Variants in RPAP2 observed in about 807,000 individuals in gnomAD.
The protein encoded by RPAP2 is putative RNA polymerase II subunit B1 CTD phosphatase RPAP2.
In RPAP2, 52 loss-of-function variants were observed where a neutral mutation model predicts 73.1. The ratio of observed to expected loss-of-function variants is 0.71; its 90% CI spans 0.57 to 0.90. RPAP2 has a LOEUF of 0.90. Among genes scored for constraint, RPAP2 ranks in the 40% least tolerant of loss-of-function variants. RPAP2 has a pLI of 0.00. For missense variants in RPAP2, 598 were observed against 701.8 expected, an observed-to-expected ratio of 0.85 and a Z score of 1.67; for synonymous variants, 225 against 242.1, an observed-to-expected ratio of 0.93 and a Z score of 0.65.
Position 92,307,081 on chromosome 1 carries a change from G to C in RPAP2, c.400-107G>C, listed in dbSNP as rs1004247710. 4.0e-6 allele frequency: 3 copies of C among 751,264 alleles called. No individual in the cohort carries two copies. In the African/African-American group the frequency reaches 5.3e-5, roughly 13 times the overall value. The allele number at this position is 751,264 out of a possible 1,614,324, so 46.5% of individuals were successfully genotyped here. ...CTTACCTTGGGTGGTAGATCTGTAG[G>C]TTTCCATTTTATTCTTTGAACGATA... is the stretch of plus-strand genomic sequence containing the variant. On this transcript the variant is annotated intron_variant, in intron 5 of 12. Coordinates refer to ENST00000610020, the MANE Select transcript of RPAP2 (RefSeq NM_024813.3).
rs765846814 is a variant in RPAP2 at position 92,333,474 on chromosome 1, G to A, written c.1538+1G>A. On this transcript the variant is annotated splice_donor_variant, in intron 9 of 12. Transcript: ENST00000610020. LOFTEE classifies it high-confidence loss of function. The stretch of plus-strand genomic sequence containing the variant: ...TCGTACTTGAAAAGTTGAGTAAAGT[G>A]TAAGTATGTAATTGCCATTCCAGCT... 2 of 1,604,894 alleles carry A rather than the reference G, an allele frequency of 1.2e-6. No homozygotes were observed. Among genetic ancestry groups the A allele is most frequent in the Middle Eastern group, 1.6e-4 (1 of 6,066 alleles).
intron 6 of RPAP2, among the ~76,000 whole-genome samples, chr1:92,308,498 T>C (rs1012565040): frequency 1.1e-4 from 17 of 152,320 alleles, no homozygotes; most frequent in African/African-American, 4.1e-4. Flanking sequence ...TTTCCTCAAG[T>C]TATCCTTAAC....
In RPAP2 at chr1:92,320,668, T is replaced by C. The variant is rs548723352; in HGVS notation, c.524+34T>C. The stretch of plus-strand genomic sequence containing the variant: ...GAATCAGTATCATTTACCATTTATA[T>C]ATTTATGTTAATAGAAACATTAGGA... On this transcript the variant is annotated intron_variant, in intron 7 of 12. Transcript: ENST00000610020. 7 of 1,550,418 alleles carry C rather than the reference T, an allele frequency of 4.5e-6. No individual in the cohort carries two copies. In the Admixed American group the frequency reaches 8.4e-5, roughly 19 times the overall value.
rs1249699188 is a variant in RPAP2 at position 92,392,151 on chromosome 1, C to A, written c.*5140C>A. Reference sequence around the variant, plus strand: ...AATCCTCAATAAAATACTGGCAAACCGAATCCAGCAGCATATCAAAAAGCT... The same window carrying A: ...AATCCTCAATAAAATACTGGCAAACAGAATCCAGCAGCATATCAAAAAGCT... On this transcript the variant is annotated 3_prime_UTR_variant, in exon 13 of 13. Transcript: ENST00000610020. 2 of 151,936 alleles carry A rather than the reference C, an allele frequency of 1.3e-5. No homozygotes were observed. The highest frequency in any genetic ancestry group is 4.8e-5 in the African/African-American group (2 of 41,338). 9.4% of individuals were successfully genotyped at this position (151,936 alleles called of 1,614,324 possible).
At chr1:92,307,156 GAAA>G (rs751979517) in intron 5 of RPAP2, 29 bp from the exon 6 acceptor site, 1 of 1,479,542 alleles carries the variant, frequency 6.8e-7, no homozygotes, top group South Asian at 1.2e-5. Context: ...TTCATGATAA[GAAA>G]AAAACTAGAT....
intron 10 of RPAP2, among the ~76,000 whole-genome samples, chr1:92,339,530 C>T (rs181829716): frequency 2.0e-5 from 3 of 152,072 alleles, no homozygotes; most frequent in African/African-American, 7.2e-5. Context: ...GGTTTTCCTG[C>T]CTGCTCCCTT....
chr1:92,302,331 A>G (rs74323305), intron 3 of RPAP2, among the ~76,000 whole-genome samples: 2 of 128,642 alleles, frequency 1.6e-5, no homozygotes, highest in African/African-American at 3.6e-5. Flanking sequence ...GATGGGGGAG[A>G]AAAAAAAAAA....
Position 92,401,570 on chromosome 1 carries a change from A to C in RPAP2, c.*14559A>C. The C allele has an allele frequency of 6.6e-6, 1 of 152,236 alleles. No homozygotes were observed. Among genetic ancestry groups the C allele is most frequent in the Non-Finnish European group, 1.5e-5 (1 of 68,052 alleles). 9.4% of individuals were successfully genotyped at this position (152,236 alleles called of 1,614,324 possible). ...TAGGACCTTCAGAACAATACTGGAT[A>C]TAAGTGGTGAAAGCACATATCCTCC... On this transcript the variant is annotated 3_prime_UTR_variant, in exon 13 of 13. Coordinates refer to ENST00000610020, the MANE Select transcript of RPAP2 (RefSeq NM_024813.3).
intron 12 of RPAP2, among the ~76,000 whole-genome samples, chr1:92,383,130 C>A (rs921179493): frequency 1.3e-5 from 2 of 152,134 alleles, no homozygotes; most frequent in Non-Finnish European, 2.9e-5. Context: ...TCATCTATAT[C>A]TCTGTTTTGG....
intron 9 of RPAP2, among the ~76,000 whole-genome samples, chr1:92,334,674 C>T (rs891444125): frequency 1.3e-5 from 2 of 151,794 alleles, no homozygotes; most frequent in Admixed American, 1.3e-4. Context: ...ATAGTAAGAC[C>T]ACATCTCTAC....
chr1:92,346,035 G>T, intron 11 of RPAP2, 121 bp downstream of exon 11: 1 of 596,664 alleles, frequency 1.7e-6, no homozygotes, highest in Non-Finnish European at 2.9e-6. Context: ...TCTATTTTGT[G>T]CCTTATTTTC....
At chr1:92,302,848 C>T (rs1378118947) in intron 3 of RPAP2, among the ~76,000 whole-genome samples, 4 of 151,706 alleles carry the variant, frequency 2.6e-5, no homozygotes, top group South Asian at 2.1e-4. Flanking sequence ...GATCCGCCCG[C>T]GTCGGCCTCC....
intron 2 of RPAP2, 81 bp downstream of exon 2, chr1:92,300,320 T>C: frequency 8.8e-7 from 1 of 1,138,524 alleles, no homozygotes; most frequent in Non-Finnish European, 1.3e-6. Flanking sequence ...CAATAATGGT[T>C]ACCTTTTTTT....
At chr1:92,346,737 C>T (rs1266993205) in intron 11 of RPAP2, among the ~76,000 whole-genome samples, 1 of 152,160 alleles carries the variant, frequency 6.6e-6, no homozygotes, top group African/African-American at 2.4e-5. Context: ...ATTTAGTACT[C>T]ATTCAGCTTT....
In RPAP2 at chr1:92,355,546, T is replaced by C. The variant is rs1314154931; in HGVS notation, c.1688+9632T>C. ...CAAGTGTTATACTTTGTTAGGTATCTCCATCATAAGCTTGGCAGGGAAATA... is the reference window on the plus strand; with the variant it reads ...CAAGTGTTATACTTTGTTAGGTATCCCCATCATAAGCTTGGCAGGGAAATA... On this transcript the variant is annotated intron_variant, in intron 11 of 12. Transcript: ENST00000610020. Among the ~76,000 whole-genome samples the C allele has an allele frequency of 2.0e-5, 3 of 152,204 alleles. No homozygotes were observed. In the South Asian group the frequency reaches 6.2e-4, roughly 31 times the overall value.
intron 6 of RPAP2, among the ~76,000 whole-genome samples, chr1:92,319,036 A>C (rs944474106): frequency 2.6e-5 from 4 of 152,174 alleles, no homozygotes; most frequent in Admixed American, 6.5e-5. Flanking sequence ...ACACGATTAC[A>C]TGCTTTAAAA....
chr1:92,397,311 G>C lies in RPAP2; in HGVS notation c.*10300G>C, dbSNP rs1656206500. The stretch of plus-strand genomic sequence containing the variant: ...AGTCAGAGGTGGGAGGATCACTTGA[G>C]CCCAGGAGGCAGAGGTTGTAGGGAG... On this transcript the variant is annotated 3_prime_UTR_variant, in exon 13 of 13. Coordinates refer to ENST00000610020, the MANE Select transcript of RPAP2 (RefSeq NM_024813.3). 1 of 152,162 alleles carries C rather than the reference G, an allele frequency of 6.6e-6. No individual in the cohort carries two copies. The highest frequency in any genetic ancestry group is 1.5e-5 in the Non-Finnish European group (1 of 68,058). The allele number at this position is 152,162 out of a possible 1,614,324, so 9.4% of individuals were successfully genotyped here.
rs1043860542 is a variant in RPAP2 at position 92,397,769 on chromosome 1, G to T, written c.*10758G>T. On this transcript the variant is annotated 3_prime_UTR_variant, in exon 13 of 13. Coordinates refer to ENST00000610020, the MANE Select transcript of RPAP2 (RefSeq NM_024813.3). Reference sequence around the variant, plus strand: ...TAAGGCTAGAGCCAAAAAAATGCAAGATAAGCCTGGAGCATCTTGTAGTAC... The same window carrying T: ...TAAGGCTAGAGCCAAAAAAATGCAATATAAGCCTGGAGCATCTTGTAGTAC... 1 of 152,216 alleles carries T rather than the reference G, an allele frequency of 6.6e-6. No individual in the cohort carries two copies. Among genetic ancestry groups the T allele is most frequent in the Non-Finnish European group, 1.5e-5 (1 of 68,042 alleles). 9.4% of individuals were successfully genotyped at this position (152,216 alleles called of 1,614,324 possible).
chr1:92,337,483 C>A (rs1653344725), intron 10 of RPAP2, among the ~76,000 whole-genome samples: 1 of 152,024 alleles, frequency 6.6e-6, no homozygotes, highest in Non-Finnish European at 1.5e-5. Context: ...AGGCAAACCT[C>A]AAAAATTATT....
Sources: gnomAD v4.1 joint callset for allele counts (sites outside exome capture counted in the v4.1 genomes callset) on GRCh38, gnomAD v4.1.1 for gene constraint, MANE v1.5 for transcripts, NCBI Gene and HGNC (gene_info 2026-07-23, HGNC 2026-07-21) for gene names.